BLTP3B: variants seen among roughly 807,000 people sequenced by gnomAD.
The protein encoded by BLTP3B is UHRF1 (ICBP90) binding protein 1-like.
chr12:100,105,821 C>A, the BLTP3B span, among the ~76,000 whole-genome samples: 2 of 151,926 alleles, frequency 1.3e-5, no homozygotes, highest in East Asian at 3.9e-4. Flanking sequence ...TGACAAAGGA[C>A]TAATATTCAG....
the BLTP3B span, among the ~76,000 whole-genome samples, chr12:100,126,609 T>A: frequency 6.6e-6 from 1 of 151,228 alleles, no homozygotes; most frequent in South Asian, 2.1e-4. Flanking sequence ...ATAAACAAAA[T>A]TTTTTATTAA....
At chr12:100,076,446 T>C in the BLTP3B span, among the ~76,000 whole-genome samples, 1 of 144,932 alleles carries the variant, frequency 6.9e-6, no homozygotes, top group Admixed American at 7.4e-5. Context: ...CAGGCTGGAG[T>C]GCAGTGGCAC....
chr12:100,052,739 C>T, the BLTP3B span, among the ~76,000 whole-genome samples: 1 of 149,454 alleles, frequency 6.7e-6, no homozygotes, highest in Admixed American at 6.7e-5. Context: ...ATCAGCAGTA[C>T]AGTGGAAAAC....
the BLTP3B span, among the ~76,000 whole-genome samples, chr12:100,122,801 C>T: frequency 1.3e-5 from 2 of 152,032 alleles, no homozygotes; most frequent in Non-Finnish European, 2.9e-5. Context: ...TTGGATAAAC[C>T]CCAAACTCCC....
the BLTP3B span, among the ~76,000 whole-genome samples, chr12:100,091,220 C>T: frequency 7.3e-6 from 1 of 136,750 alleles, no homozygotes; most frequent in Non-Finnish European, 1.5e-5. Context: ...GACAGAGTCT[C>T]ACTCTGTCAC....
chr12:100,061,444 T>C, the BLTP3B span, among the ~76,000 whole-genome samples: 1 of 151,794 alleles, frequency 6.6e-6, no homozygotes, highest in Non-Finnish European at 1.5e-5. Context: ...GATCACGAGG[T>C]CAGGAGATCG....
chr12:100,043,756 T>C, the BLTP3B span, among the ~76,000 whole-genome samples: 1 of 152,312 alleles, frequency 6.6e-6, no homozygotes, highest in East Asian at 1.9e-4. Context: ...TTTTAGTCTA[T>C]ATGCAAACCC....
the BLTP3B span, among the ~76,000 whole-genome samples, chr12:100,055,626 G>A: frequency 6.3e-4 from 92 of 145,500 alleles, 1 homozygote; most frequent in African/African-American, 2.2e-3. Flanking sequence ...GCAGTGAGCC[G>A]AGATCATGTC....
the BLTP3B span, chr12:100,059,831 C>T: frequency 9.4e-6 from 15 of 1,593,350 alleles, no homozygotes; most frequent in South Asian, 1.7e-4. Flanking sequence ...ATCATTACTA[C>T]TACTTGTTTG....
the BLTP3B span, among the ~76,000 whole-genome samples, chr12:100,045,118 G>T: frequency 6.6e-6 from 1 of 152,130 alleles, no homozygotes; most frequent in Non-Finnish European, 1.5e-5. Context: ...ACAAATGGAA[G>T]AATATTCCAT....
the BLTP3B span, among the ~76,000 whole-genome samples, chr12:100,140,667 T>A: frequency 2.4e-5 from 3 of 124,506 alleles, no homozygotes. Context: ...ATCATGCCAT[T>A]GCACTCCAGT....
the BLTP3B span, chr12:100,039,801 A>G: frequency 1.2e-6 from 2 of 1,602,968 alleles, no homozygotes; most frequent in Non-Finnish European, 1.7e-6. Context: ...TGATCAAACA[A>G]ATAACATGCT....
At chr12:100,072,682 CT>C in the BLTP3B span, 1 of 1,518,190 alleles carries the variant, frequency 6.6e-7, no homozygotes, top group East Asian at 2.4e-5. Context: ...TTGGAAAATC[CT>C]TTCCATCTGG....
At chr12:100,037,460 T>C in the BLTP3B span, 1 of 1,381,472 alleles carries the variant, frequency 7.2e-7, no homozygotes, top group Non-Finnish European at 9.3e-7. Flanking sequence ...AAGATTGTAA[T>C]GCCCGTACTA....
At chr12:100,127,789 G>C in the BLTP3B span, among the ~76,000 whole-genome samples, 15,593 of 152,080 alleles carry the variant, frequency 0.1, 1,018 homozygotes, top group African/African-American at 0.17. Context: ...TAGGTGGGGG[G>C]ACTGCTTGAG....
the BLTP3B span, among the ~76,000 whole-genome samples, chr12:100,076,839 G>A: frequency 2.6e-5 from 4 of 152,142 alleles, no homozygotes; most frequent in Non-Finnish European, 4.4e-5. Context: ...AACAAATAAC[G>A]GCTTATTCTT....
chr12:100,050,202 GAT>G, the BLTP3B span: 1 of 1,585,546 alleles, frequency 6.3e-7, no homozygotes, highest in Non-Finnish European at 8.5e-7. Context: ...GCCGAAGGCT[GAT>G]ATTGCCTAAT....
At chr12:100,038,947 G>C in the BLTP3B span, among the ~76,000 whole-genome samples, 2 of 152,090 alleles carry the variant, frequency 1.3e-5, no homozygotes, top group Admixed American at 1.3e-4. Context: ...CTGTAGTATA[G>C]CATCTGACAC....
the BLTP3B span, among the ~76,000 whole-genome samples, chr12:100,081,164 T>A: frequency 6.6e-6 from 1 of 152,180 alleles, no homozygotes; most frequent in African/African-American, 2.4e-5. Context: ...CTCTTTCTTT[T>A]GTAAATTGCC....
Sources: gnomAD v4.1 joint callset for allele counts (sites outside exome capture counted in the v4.1 genomes callset) on GRCh38, gnomAD v4.1.1 for gene constraint, MANE v1.5 for transcripts, NCBI Gene and HGNC (gene_info 2026-07-23, HGNC 2026-07-21) for gene names.